NR3C2: variants seen among roughly 807,000 people sequenced by gnomAD.
The protein encoded by NR3C2 is nuclear receptor subfamily 3 group C member 2.
Under a neutral mutation model 86.4 loss-of-function variants are expected in NR3C2, and 15 were observed. That is an observed-to-expected ratio of 0.17 (90% CI 0.12 to 0.27). The LOEUF is 0.27. Ranked by LOEUF, NR3C2 falls within the 10% of genes least tolerant of loss-of-function variation. The pLI, the probability that NR3C2 is intolerant of heterozygous loss-of-function variation, is 1.00. For missense variants in NR3C2, 960 were observed against 1,195.6 expected, an observed-to-expected ratio of 0.80 and a Z score of 2.91; for synonymous variants, 458 against 450.5, an observed-to-expected ratio of 1.02 and a Z score of -0.21.
At chr4:148,205,901 A>G (rs1560977034) in intron 3 of NR3C2, among the ~76,000 whole-genome samples, 1 of 152,202 alleles carries the variant, frequency 6.6e-6, no homozygotes, top group Non-Finnish European at 1.5e-5. Flanking sequence ...GTCAGAAGGC[A>G]TCATATATTT....
intron 2 of NR3C2, among the ~76,000 whole-genome samples, chr4:148,274,434 C>T (rs979102575): frequency 6.6e-6 from 1 of 152,084 alleles, no homozygotes; most frequent in Non-Finnish European, 1.5e-5. Context: ...GGGTGGGACC[C>T]GGTGGGAGGT....
At chr4:148,181,458 G>A (rs1320913328) in intron 4 of NR3C2, among the ~76,000 whole-genome samples, 5 of 152,122 alleles carry the variant, frequency 3.3e-5, no homozygotes, top group African/African-American at 9.7e-5. Flanking sequence ...TATGGCCAGG[G>A]GGCAGTCAAG....
At chr4:148,171,261 TATTCC>T (rs1438172222) in intron 4 of NR3C2, among the ~76,000 whole-genome samples, 2 of 152,256 alleles carry the variant, frequency 1.3e-5, no homozygotes, top group Non-Finnish European at 2.9e-5. Context: ...CCTCTTTCCC[TATTCC>T]ATGCCAATTT....
rs72653841 is a variant in NR3C2 at position 148,174,357 on chromosome 4, C to T, written c.2015-19456G>A. 5.1e-3 allele frequency among the ~76,000 whole-genome samples: 784 copies of T among 152,274 alleles called. 5 individuals carry two copies. The highest frequency in any genetic ancestry group is 8.3e-3 in the Non-Finnish European group (565 of 68,030). The stretch of plus-strand genomic sequence containing the variant: ...CCTGGAAAACCAACAATAGCATCAT[C>T]GCTCAGGTATTATCTAAAAAAGTTC... On this transcript the variant is annotated intron_variant, in intron 4 of 8. Coordinates refer to ENST00000358102, the MANE Select transcript of NR3C2 (RefSeq NM_000901.5).
At chr4:148,384,118 G>GTTT (rs1747144646) in intron 2 of NR3C2, among the ~76,000 whole-genome samples, 1 of 151,866 alleles carries the variant, frequency 6.6e-6, no homozygotes, top group Non-Finnish European at 1.5e-5. Flanking sequence ...TTGGCATCTA[G>GTTT]TTTTCTACAT....
intron 4 of NR3C2, among the ~76,000 whole-genome samples, chr4:148,164,587 A>T (rs1472533524): frequency 6.6e-6 from 1 of 152,222 alleles, no homozygotes; most frequent in East Asian, 1.9e-4. Flanking sequence ...GAAAAATAGC[A>T]CTATGATAGC....
At chr4:148,364,652 T>C (rs1579209371) in intron 2 of NR3C2, among the ~76,000 whole-genome samples, 1 of 152,212 alleles carries the variant, frequency 6.6e-6, no homozygotes, top group African/African-American at 2.4e-5. Flanking sequence ...TTCAAAGCTA[T>C]TTCCTTTGTT....
chr4:148,201,966 C>T (rs906856310), intron 3 of NR3C2, among the ~76,000 whole-genome samples: 2 of 152,094 alleles, frequency 1.3e-5, no homozygotes, highest in Non-Finnish European at 2.9e-5. Flanking sequence ...TCTGGAAGCC[C>T]CCAAACCACA....
At chr4:148,433,865 C>G (rs1469503435) in intron 2 of NR3C2, among the ~76,000 whole-genome samples, 1 of 152,122 alleles carries the variant, frequency 6.6e-6, no homozygotes, top group African/African-American at 2.4e-5. Context: ...TGTGTTAGAA[C>G]TTATAATTTA....
chr4:148,341,214 A>C (rs1372831380), intron 2 of NR3C2, among the ~76,000 whole-genome samples: 1 of 152,212 alleles, frequency 6.6e-6, no homozygotes, highest in Non-Finnish European at 1.5e-5. Context: ...AATCAATCTA[A>C]GTGTCCAACA....
intron 2 of NR3C2, among the ~76,000 whole-genome samples, chr4:148,269,879 T>C (rs13138584): frequency 0.019 from 2,944 of 152,308 alleles, 106 homozygotes; most frequent in African/African-American, 0.067. Context: ...ATAAATACAG[T>C]GGCTTTGCTT....
In NR3C2 at chr4:148,082,058, C is replaced by A. The variant is rs376712558; in HGVS notation, c.2800-559G>T. ...ACTTCCACCTGCAGCCCCAGGCCCT[C>A]TTTCCTTCTTTGTGGGTGCCTGCCC... is the stretch of plus-strand genomic sequence containing the variant. On this transcript the variant is annotated intron_variant, in intron 8 of 8. Coordinates refer to ENST00000358102, the MANE Select transcript of NR3C2 (RefSeq NM_000901.5). 2.0e-3 allele frequency among the ~76,000 whole-genome samples: 310 copies of A among 152,364 alleles called. 2 individuals carry two copies. The highest frequency in any genetic ancestry group is 6.6e-3 in the African/African-American group (276 of 41,594).
chr4:148,323,991 A>G (rs1743806804), intron 2 of NR3C2, among the ~76,000 whole-genome samples: 1 of 152,146 alleles, frequency 6.6e-6, no homozygotes, highest in Non-Finnish European at 1.5e-5. Context: ...CCATTTCACA[A>G]ATTTCTCACC....
intron 2 of NR3C2, among the ~76,000 whole-genome samples, chr4:148,270,867 C>G (rs1740645884): frequency 6.6e-6 from 1 of 152,274 alleles, no homozygotes; most frequent in Non-Finnish European, 1.5e-5. Context: ...TTTAACTGAG[C>G]TGCCACAGGA....
chr4:148,207,116 T>A (rs1737046515), intron 3 of NR3C2, among the ~76,000 whole-genome samples: 1 of 152,134 alleles, frequency 6.6e-6, no homozygotes, highest in Non-Finnish European at 1.5e-5. Context: ...AGAGACGTGA[T>A]CTTGCTGTGT....
intron 6 of NR3C2, among the ~76,000 whole-genome samples, chr4:148,150,337 C>T (rs1480531247): frequency 6.6e-6 from 1 of 152,148 alleles, no homozygotes; most frequent in African/African-American, 2.4e-5. Context: ...TGTTTAAAGA[C>T]ATCTTACTTA....
Position 148,081,455 on chromosome 4 carries a change from C to T in NR3C2, c.2844G>A (p.Glu948=). 6.2e-7 allele frequency: 1 copy of T among 1,614,098 alleles called. No individual in the cohort carries two copies. The highest frequency in any genetic ancestry group is 8.5e-7 in the Non-Finnish European group (1 of 1,180,014). The change falls in exon 9 of 9, where the codon GAG becomes GAA. Residue 948 remains glutamate (E), a synonymous_variant. Coordinates refer to ENST00000358102, the MANE Select transcript of NR3C2 (RefSeq NM_000901.5). ...GGAACTCTACCTTCAGCGCATGGGA[C>T]TCTCGGAAGGTGTAGAAGCAGAATT... ...LLEFCFYTFR[E]SHALKVEFPA...
intron 2 of NR3C2, among the ~76,000 whole-genome samples, chr4:148,287,710 G>T (rs57900565): frequency 0.039 from 6,004 of 152,140 alleles, 373 homozygotes; most frequent in African/African-American, 0.13. Flanking sequence ...TAGGAAATAT[G>T]TCACACAATG....
intron 3 of NR3C2, among the ~76,000 whole-genome samples, chr4:148,218,881 T>C (rs1454796033): frequency 6.6e-6 from 1 of 152,236 alleles, no homozygotes; most frequent in Non-Finnish European, 1.5e-5. Flanking sequence ...TGTTTTTACA[T>C]TTACCAATTG....
Sources: allele counts gnomAD v4.1 joint callset (sites outside exome capture counted in the v4.1 genomes callset), GRCh38; gene constraint gnomAD v4.1.1; transcripts MANE v1.5; gene names NCBI Gene and HGNC (gene_info 2026-07-23, HGNC 2026-07-21).